The following XYLB variants were observed in gnomAD, a reference collection of about 807,000 sequenced individuals.
XYLB encodes the protein xylulose kinase.
XYLB carries 62 observed loss-of-function variants against 78.7 expected under a neutral mutation model. That is an observed-to-expected ratio of 0.79 (90% CI 0.64 to 0.97). The LOEUF (loss-of-function observed/expected upper bound fraction) is 0.97, where lower values mean the gene tolerates loss of function less well. XYLB is among the 50% of genes least tolerant of loss of function. The pLI is 0.00. For missense variants in XYLB, 687 were observed against 676.8 expected (o/e 1.02, Z -0.17); for synonymous variants, 245 against 247.4 (o/e 0.99, Z 0.09).
the XYLB span, among the ~76,000 whole-genome samples, chr3:38,447,682 A>T: frequency 2.0e-5 from 3 of 152,104 alleles, no homozygotes; most frequent in East Asian, 5.8e-4. Flanking sequence ...ATGGAAAACA[A>T]CCGTATAGAG....
intron 17 of XYLB, among the ~76,000 whole-genome samples, chr3:38,398,425 G>A (rs918457822): frequency 2.6e-5 from 4 of 151,516 alleles, no homozygotes; most frequent in South Asian, 2.1e-4. Context: ...CCGAGATTGC[G>A]CCATTGCACT....
chr3:38,357,972 G>T (rs893779318), intron 2 of XYLB, among the ~76,000 whole-genome samples: 1 of 150,782 alleles, frequency 6.6e-6, no homozygotes, highest in African/African-American at 2.4e-5. Flanking sequence ...CAAAATTTTT[G>T]TCCCATTCTG....
chr3:38,374,800 A>G (rs755858486), intron 11 of XYLB, among the ~76,000 whole-genome samples: 3 of 152,184 alleles, frequency 2.0e-5, no homozygotes, highest in Non-Finnish European at 4.4e-5. Context: ...TGTGGGGCCA[A>G]AGGGCTGTGA....
intron 15 of XYLB, among the ~76,000 whole-genome samples, chr3:38,391,241 A>AC (rs781010734): frequency 3.3e-4 from 50 of 151,442 alleles, no homozygotes; most frequent in Admixed American, 9.2e-4. Context: ...CAACAACAAA[A>AC]AAAAAGAAGA....
downstream of XYLB, among the ~76,000 whole-genome samples, chr3:38,417,058 A>G (rs1375346384): frequency 6.6e-6 from 1 of 152,252 alleles, no homozygotes; most frequent in African/African-American, 2.4e-5. Context: ...AAAAATACAT[A>G]TAACGATATA....
the XYLB span, among the ~76,000 whole-genome samples, chr3:38,439,913 A>G: frequency 2.6e-5 from 4 of 152,230 alleles, 1 homozygote; most frequent in Non-Finnish European, 5.9e-5. Flanking sequence ...CTCAGCAGTG[A>G]GGAGGTCTAG....
At chr3:38,388,894 C>T (rs1473609219) in intron 15 of XYLB, among the ~76,000 whole-genome samples, 1 of 151,596 alleles carries the variant, frequency 6.6e-6, no homozygotes, top group African/African-American at 2.4e-5. Context: ...CCTATTAAGG[C>T]ATACTTCCTT....
At chr3:38,438,457 A>G in the XYLB span, among the ~76,000 whole-genome samples, 1 of 152,330 alleles carries the variant, frequency 6.6e-6, no homozygotes. Context: ...GTTCAACATA[A>G]TATCTATCAA....
downstream of XYLB, among the ~76,000 whole-genome samples, chr3:38,422,601 G>A (rs1164767235): frequency 3.3e-5 from 5 of 152,078 alleles, no homozygotes; most frequent in East Asian, 1.9e-4. Context: ...GTATATCAAA[G>A]TATTTATATT....
intron 18 of XYLB, 40 bp from the exon 19 acceptor site, chr3:38,412,896 T>A (rs1228482778): frequency 6.4e-7 from 1 of 1,552,250 alleles, no homozygotes. Flanking sequence ...TAAGAGGCAT[T>A]TTCCCCCTCT....
chr3:38,435,933 T>C, the XYLB span, among the ~76,000 whole-genome samples: 1 of 151,782 alleles, frequency 6.6e-6, no homozygotes, highest in African/African-American at 2.4e-5. Context: ...ACAGCAAAAG[T>C]AGTGCAAAAA....
the XYLB span, among the ~76,000 whole-genome samples, chr3:38,442,689 C>A: frequency 6.7e-6 from 1 of 149,270 alleles, no homozygotes; most frequent in African/African-American, 2.5e-5. Flanking sequence ...TTTTTCTACT[C>A]CTAGAATTGG....
chr3:38,442,499 C>A, the XYLB span, among the ~76,000 whole-genome samples: 1 of 152,116 alleles, frequency 6.6e-6, no homozygotes, highest in African/African-American at 2.4e-5. Context: ...CAAAGAGAAA[C>A]TGGGAGTCAC....
At chr3:38,401,942 G>A (rs559872659) in intron 18 of XYLB, among the ~76,000 whole-genome samples, 2 of 152,280 alleles carry the variant, frequency 1.3e-5, no homozygotes, top group Admixed American at 6.5e-5. Context: ...AAGCTAACAA[G>A]TGAGCCTGCC....
chr3:38,377,910 C>T (rs528281737), intron 14 of XYLB, among the ~76,000 whole-genome samples: 8 of 152,250 alleles, frequency 5.3e-5, no homozygotes, highest in Admixed American at 2.6e-4. Flanking sequence ...CTTTCTCCTC[C>T]ACAATGTGAC....
intron 15 of XYLB, among the ~76,000 whole-genome samples, chr3:38,393,173 C>T (rs188989570): frequency 1.3e-5 from 2 of 151,534 alleles, no homozygotes; most frequent in Non-Finnish European, 2.9e-5. Context: ...TTTTTGGAGA[C>T]AGGGTCTCAC....
At chr3:38,441,152 C>G in the XYLB span, among the ~76,000 whole-genome samples, 1 of 152,206 alleles carries the variant, frequency 6.6e-6, no homozygotes, top group Non-Finnish European at 1.5e-5. Flanking sequence ...CCATGATTTC[C>G]TTGTGATATT....
In XYLB at chr3:38,375,984, C is replaced by T. The variant is rs1706833675; in HGVS notation, c.1005-133C>T. 7.3e-6 allele frequency: 5 copies of T among 681,532 alleles called. No individual in the cohort carries two copies. In the South Asian group the frequency reaches 8.4e-5, roughly 11 times the overall value. The allele number at this position is 681,532 out of a possible 1,614,324, so 42.2% of individuals were successfully genotyped here. ...AGCCTCCGATACCTAAGTTTCAAAG[C>T]CTGCTGTGCACTGACTAGGGGTCGT... On this transcript the variant is annotated intron_variant, in intron 12 of 18. Coordinates refer to ENST00000207870, the MANE Select transcript of XYLB (RefSeq NM_005108.4).
intron 18 of XYLB, among the ~76,000 whole-genome samples, chr3:38,406,370 C>T (rs991488704): frequency 2.6e-5 from 4 of 152,156 alleles, no homozygotes; most frequent in Non-Finnish European, 5.9e-5. Context: ...GACATCCGCA[C>T]CAAAAACCCA....
Sources: allele counts gnomAD v4.1 joint callset (sites outside exome capture counted in the v4.1 genomes callset), GRCh38; gene constraint gnomAD v4.1.1; transcripts MANE v1.5; gene names NCBI Gene and HGNC (gene_info 2026-07-23, HGNC 2026-07-21).